CCDC137: variants seen among roughly 807,000 people sequenced by gnomAD.
The protein encoded by CCDC137 is coiled-coil domain-containing protein 137.
CCDC137 carries 24 observed loss-of-function variants against 30.4 expected under a neutral mutation model. The observed-to-expected ratio is 0.79, with a 90% CI of 0.57 to 1.11. The LOEUF is 1.11. Among genes scored for constraint, CCDC137 ranks in the 50% least tolerant of loss-of-function variants. CCDC137 has a pLI of 0.00. For missense variants in CCDC137, 417 were observed against 380.4 expected, an observed-to-expected ratio of 1.10 and a Z score of -0.80; for synonymous variants, 182 against 155.7, an observed-to-expected ratio of 1.17 and a Z score of -1.26.
At chr17:81,669,772 A>C (rs1248141892) in intron 2 of CCDC137, among the ~76,000 whole-genome samples, 1 of 151,834 alleles carries the variant, frequency 6.6e-6, no homozygotes, top group Admixed American at 6.6e-5. Flanking sequence ...CGTGTTAGCC[A>C]GGATGGTCTG....
chr17:81,667,255 C>G lies in CCDC137; in HGVS notation c.134+355C>G, dbSNP rs2036646331. ...GTGAGACCGAGAGGAAAGATCCCTG[C>G]TCCCTGGACTGCTGGACCGGCTCGC... On this transcript the variant is annotated intron_variant, in intron 1 of 5. Coordinates refer to ENST00000329214, the MANE Select transcript of CCDC137 (RefSeq NM_199287.3). 2.0e-5 allele frequency among the ~76,000 whole-genome samples: 3 copies of G among 152,022 alleles called. No individual in the cohort carries two copies. The South Asian group carries it at 6.2e-4, about 32-fold the overall frequency.
At chr17:81,669,189 CT>C (rs981089647) in intron 2 of CCDC137, among the ~76,000 whole-genome samples, 81 of 130,714 alleles carry the variant, frequency 6.2e-4, no homozygotes, top group Non-Finnish European at 6.6e-4. Context: ...TGTGCCTGGC[CT>C]TTTTTTTTTT....
rs1598733658 is a variant in CCDC137 at position 81,670,370 on chromosome 17, C to T, written c.414C>T (p.Phe138=). 3 of 1,613,944 alleles carry T rather than the reference C, an allele frequency of 1.9e-6. No homozygotes were observed. Among genetic ancestry groups the T allele is most frequent in the Non-Finnish European group, 2.5e-6 (3 of 1,179,984 alleles). The change falls in exon 3 of 6, where the codon TTC becomes TTT. Residue 138 remains phenylalanine (F), a synonymous_variant. Coordinates refer to ENST00000329214, the MANE Select transcript of CCDC137 (RefSeq NM_199287.3). The part of the protein sequence containing the change: ...RMQQEAQHVL[F]LSKNQAIRQP... ...AGCAAGAGGCCCAGCATGTGCTGTT[C>T]CTCAGCAAGAACCAGGCCATCCGGC...
At chr17:81,670,650 G>A (rs1321857632) in intron 3 of CCDC137, among the ~76,000 whole-genome samples, 197 bp downstream of exon 3, 2 of 152,336 alleles carry the variant, frequency 1.3e-5, no homozygotes, top group East Asian at 3.9e-4. Flanking sequence ...CCTCCAGGAG[G>A]CTGCGGAACC....
At chr17:81,672,259 C>T in intron 5 of CCDC137, 104 bp downstream of exon 5, 1 of 1,204,900 alleles carries the variant, frequency 8.3e-7, no homozygotes, top group Non-Finnish European at 1.2e-6. Context: ...AATCCCAGCA[C>T]ATTGGGAGGC....
At chr17:81,669,099 A>G (rs1196503251) in intron 2 of CCDC137, among the ~76,000 whole-genome samples, 1 of 152,152 alleles carries the variant, frequency 6.6e-6, no homozygotes, top group Middle Eastern at 3.2e-3. Context: ...CATGTTGGCC[A>G]GGCTGGTTTT....
intron 3 of CCDC137, among the ~76,000 whole-genome samples, chr17:81,671,258 C>G (rs889311127): frequency 1.3e-5 from 2 of 152,264 alleles, no homozygotes; most frequent in East Asian, 3.9e-4. Context: ...TCACAGAGAA[C>G]GTGGCCCAGA....
chr17:81,673,679 C>T lies in CCDC137; in HGVS notation c.*975C>T, dbSNP rs915604374. On this transcript the variant is annotated 3_prime_UTR_variant, in exon 6 of 6. Transcript: ENST00000329214. ...CATCCAGCAATGGAGTCCGACAGCC[C>T]AGCACCATCTGGGAACTGAGAAGCA... is the stretch of plus-strand genomic sequence containing the variant. The T allele has an allele frequency of 5.9e-5, 9 of 152,288 alleles. No homozygotes were observed. Among genetic ancestry groups the T allele is most frequent in the Non-Finnish European group, 1.2e-4 (8 of 68,114 alleles). 9.4% of individuals were successfully genotyped at this position (152,288 alleles called of 1,614,324 possible).
In CCDC137 at chr17:81,672,594, G is replaced by T. The variant is rs1390630802; in HGVS notation, c.760G>T (p.Glu254Ter). Residue 254 changes from glutamate to a stop codon, truncating the protein, a stop_gained, in exon 6 of 6, where the codon GAG (glutamate) becomes TAG (stop). Coordinates refer to ENST00000329214, the MANE Select transcript of CCDC137 (RefSeq NM_199287.3). LOFTEE classifies it low-confidence loss of function (END_TRUNC). The stretch of plus-strand genomic sequence containing the variant: ...GGCCCGCCAGCGGATTGTGGAGGAG[G>T]AGAGAGAGCGGGCCGTGCAGGCCTA... Reference protein sequence around the residue: ...SLARQRIVEEERERAVQAYRA... With the variant: ...SLARQRIVEE 1 of 1,585,320 alleles carries T rather than the reference G, an allele frequency of 6.3e-7. No individual in the cohort carries two copies. The highest frequency in any genetic ancestry group is 8.6e-7 in the Non-Finnish European group (1 of 1,166,738).
At chr17:81,667,606 C>A in intron 1 of CCDC137, 123 bp from the exon 2 acceptor site, 1 of 1,098,690 alleles carries the variant, frequency 9.1e-7, no homozygotes, top group Non-Finnish European at 1.3e-6. Flanking sequence ...GGATTACAGG[C>A]GTGAGCCACC....
chr17:81,670,535 T>G (rs7215601), intron 3 of CCDC137, 82 bp downstream of exon 3: 259,620 of 1,221,952 alleles, frequency 0.21, 29,298 homozygotes, highest in African/African-American at 0.35. Flanking sequence ...CCTCTGCAGG[T>G]ACCCTGTTTC....
chr17:81,670,507 T>A, intron 3 of CCDC137, 54 bp downstream of exon 3: 1 of 1,496,254 alleles, frequency 6.7e-7, no homozygotes, highest in Non-Finnish European at 9.2e-7. Flanking sequence ...AGGGAAGACA[T>A]TGGGTTCCCA....
rs921750541 is a variant in CCDC137 at position 81,672,910 on chromosome 17, G to T, written c.*206G>T. ...CCAAGGCCTGGTTGACAGACGGCCC[G>T]TGGGGCCCGGTGTCACTCACAGCTC... On this transcript the variant is annotated 3_prime_UTR_variant, in exon 6 of 6. Transcript: ENST00000329214. 3 of 580,530 alleles carry T rather than the reference G, an allele frequency of 5.2e-6. No individual in the cohort carries two copies. Among genetic ancestry groups the T allele is most frequent in the African/African-American group, 1.9e-5 (1 of 53,524 alleles). 36.0% of individuals were successfully genotyped at this position (580,530 alleles called of 1,614,324 possible). A position where few individuals can be genotyped will look rare whatever the true frequency, so the allele number is the denominator to read the frequency against.
At position 81,670,310 on chromosome 17, in the gene CCDC137, G is replaced by A. The variant is rs201465627; in HGVS notation, c.354G>A (p.Lys118=). The change falls in exon 3 of 6, where the codon AAG becomes AAA. Residue 118 remains lysine, a synonymous_variant. Coordinates refer to ENST00000329214, the MANE Select transcript of CCDC137 (RefSeq NM_199287.3). The stretch of plus-strand genomic sequence containing the variant: ...CAGTCCCCAAGTTCAAACAGAGGAA[G>A]GGGGAGTCTGACGGGGCCTATATCC... ...DIAVPKFKQR[K]GESDGAYIHR... The A allele has an allele frequency of 3.9e-5, 63 of 1,614,030 alleles. No individual in the cohort carries two copies. The African/African-American group carries it at 7.6e-4, about 19-fold the overall frequency.
rs11546632 is a variant in CCDC137 at position 81,667,783 on chromosome 17, T to C, written c.189T>C (p.Ile63=). 0.15 allele frequency: 245,533 copies of C among 1,612,816 alleles called. 19,848 individuals are homozygous for C. The highest frequency in any genetic ancestry group is 0.19 in the African/African-American group (14,154 of 74,898). The change falls in exon 2 of 6, where the codon ATT becomes ATC. Residue 63 remains isoleucine, a synonymous_variant. Coordinates refer to ENST00000329214, the MANE Select transcript of CCDC137 (RefSeq NM_199287.3). ...CCAAGAACCAGGACGAACAGGAGAT[T>C]CCTTTCCGGCTCCGGGAGATTATGA... ...CKPKNQDEQE[I]PFRLREIMRS... is the part of the protein sequence containing the mutation.
chr17:81,672,516 C>A lies in CCDC137; in HGVS notation c.682C>A (p.Leu228Met). ...KDQPGRRSQM[L>M]RMLLSPGGVS... ...TCAGCCTGGCAGGAGATCGCAGATG[C>A]TGCGGATGCTTCTGAGCCCCGGTGG... The change falls in exon 6 of 6, where the codon CTG becomes ATG. Residue 228 changes from leucine to methionine, a missense_variant. Coordinates refer to ENST00000329214, the MANE Select transcript of CCDC137 (RefSeq NM_199287.3). 6.4e-7 allele frequency: 1 copy of A among 1,561,996 alleles called. No homozygotes were observed. Among genetic ancestry groups the A allele is most frequent in the Non-Finnish European group, 8.7e-7 (1 of 1,152,964 alleles).
At chr17:81,668,508 G>A (rs1045122064) in intron 2 of CCDC137, among the ~76,000 whole-genome samples, 8 of 152,160 alleles carry the variant, frequency 5.3e-5, no homozygotes, top group African/African-American at 1.4e-4. Flanking sequence ...CTTCCCAAAC[G>A]TGGCACTGGT....
At chr17:81,668,592 G>A (rs2036680897) in intron 2 of CCDC137, among the ~76,000 whole-genome samples, 1 of 152,206 alleles carries the variant, frequency 6.6e-6, no homozygotes, top group South Asian at 2.1e-4. Context: ...GCTGCCAAAG[G>A]GATAGTGAGA....
intron 2 of CCDC137, 159 bp from the exon 3 acceptor site, chr17:81,670,066 C>G (rs1465548449): frequency 3.2e-6 from 2 of 619,400 alleles, no homozygotes; most frequent in South Asian, 4.0e-5. Flanking sequence ...CCGGGGATGC[C>G]GGGCCGGGCA....
Sources: allele counts gnomAD v4.1 joint callset (sites outside exome capture counted in the v4.1 genomes callset), GRCh38; gene constraint gnomAD v4.1.1; transcripts MANE v1.5; gene names NCBI Gene and HGNC (gene_info 2026-07-23, HGNC 2026-07-21).